SEC11C: variants seen among roughly 807,000 people sequenced by gnomAD.
SEC11C encodes the protein signal peptidase complex catalytic subunit SEC11C.
In SEC11C, 10 loss-of-function variants were observed where a neutral mutation model predicts 21.9. That is an observed-to-expected ratio of 0.46 (90% CI 0.28 to 0.77). The LOEUF is 0.77. Ranked by LOEUF, SEC11C falls within the 30% of genes least tolerant of loss-of-function variation. The pLI, the probability that SEC11C is intolerant of heterozygous loss-of-function variation, is 0.12. For missense variants in SEC11C, 145 were observed against 244.5 expected, an observed-to-expected ratio of 0.59 and a Z score of 2.71; for synonymous variants, 83 against 85.6, an observed-to-expected ratio of 0.97 and a Z score of 0.17.
intron 1 of SEC11C, among the ~76,000 whole-genome samples, chr18:59,146,503 G>T (rs1490336340): frequency 6.6e-6 from 1 of 152,122 alleles, no homozygotes; most frequent in Non-Finnish European, 1.5e-5. Flanking sequence ...ACAAGAAAGT[G>T]GTGAGAAGTG....
chr18:59,141,664 C>CTT (rs113985050), intron 1 of SEC11C, among the ~76,000 whole-genome samples: 18,428 of 146,264 alleles, frequency 0.13, 1,370 homozygotes, highest in East Asian at 0.39. Context: ...AAAGCTTTGT[C>CTT]TTTTTTTTTT....
chr18:59,157,599 A>T lies in SEC11C; in HGVS notation c.468-9A>T, dbSNP rs78885010. ...TTTTATATCTCTTGCTTTTTATCCC[A>T]CAATTTAGGTTTTTACCATATGTTG... On this transcript the variant is annotated splice_polypyrimidine_tract_variant and intron_variant, in intron 4 of 5. Coordinates refer to ENST00000587834, the MANE Select transcript of SEC11C (RefSeq NM_033280.4). 6.3e-7 allele frequency: 1 copy of T among 1,596,296 alleles called. No homozygotes were observed. The highest frequency in any genetic ancestry group is 1.1e-5 in the South Asian group (1 of 90,534).
intron 3 of SEC11C, 63 bp from the exon 4 acceptor site, chr18:59,155,625 A>C: frequency 6.4e-7 from 1 of 1,559,680 alleles, no homozygotes; most frequent in Non-Finnish European, 8.7e-7. Context: ...GAGTAAACTA[A>C]TATTTTTGTT....
intron 2 of SEC11C, 121 bp from the exon 3 acceptor site, chr18:59,152,415 A>G (rs981486528): frequency 5.6e-5 from 59 of 1,062,472 alleles, no homozygotes; most frequent in Middle Eastern, 2.2e-4. Context: ...AGGAAGCCAC[A>G]TTGGCTCGTT....
chr18:59,157,291 A>C (rs1426960641), intron 4 of SEC11C: 3 of 233,262 alleles, frequency 1.3e-5, no homozygotes, highest in African/African-American at 6.8e-5. Flanking sequence ...TATCTTCTAA[A>C]TAAAAACTAG....
intron 1 of SEC11C, among the ~76,000 whole-genome samples, chr18:59,141,406 A>C (rs1399828531): frequency 6.6e-6 from 1 of 152,222 alleles, no homozygotes; most frequent in African/African-American, 2.4e-5. Flanking sequence ...AAAAATCTAG[A>C]CTTAATGGCT....
At chr18:59,148,843 C>T (rs2069312796) in intron 1 of SEC11C, among the ~76,000 whole-genome samples, 1 of 152,128 alleles carries the variant, frequency 6.6e-6, no homozygotes. Context: ...TCTTGATCTC[C>T]TAACCTTGTG....
At position 59,149,514 on chromosome 18, in the gene SEC11C, T is replaced by C. The variant is rs1280944430; in HGVS notation, c.89T>C (p.Leu30Pro). 6.3e-7 allele frequency: 1 copy of C among 1,597,304 alleles called. No homozygotes were observed. Among genetic ancestry groups the C allele is most frequent in the Non-Finnish European group, 8.6e-7 (1 of 1,165,726 alleles). Reference protein sequence around the residue: ...GDLKKMNKRQLYYQVLNFAMI... With the variant: ...GDLKKMNKRQPYYQVLNFAMI... The stretch of plus-strand genomic sequence containing the variant: ...GTGGTTTCCTCTTTTTCATTCCAGC[T>C]CTATTACCAGGTTTTAAACTTCGCC... Residue 30 changes from leucine to proline, a missense_variant and splice_region_variant, in exon 2 of 6, where the codon CTC becomes CCC. Coordinates refer to ENST00000587834, the MANE Select transcript of SEC11C (RefSeq NM_033280.4).
intron 1 of SEC11C, 52 bp from the exon 2 acceptor site, chr18:59,149,461 G>C (rs1303177088): frequency 3.4e-6 from 4 of 1,186,550 alleles, no homozygotes; most frequent in Admixed American, 1.7e-5. Context: ...TTCACAGGTT[G>C]GTGGATCTTC....
chr18:59,152,757 G>C, intron 3 of SEC11C, 72 bp downstream of exon 3: 3 of 1,313,018 alleles, frequency 2.3e-6, no homozygotes, highest in Non-Finnish European at 3.2e-6. Context: ...TTAGAAACTA[G>C]TAAAAGCACT....
chr18:59,141,454 T>C (rs1370090656), intron 1 of SEC11C, among the ~76,000 whole-genome samples: 1 of 152,250 alleles, frequency 6.6e-6, no homozygotes, highest in East Asian at 1.9e-4. Flanking sequence ...TACTGATTAC[T>C]GATGGCTATA....
chr18:59,157,559 C>T, intron 4 of SEC11C, 49 bp from the exon 5 acceptor site: 1 of 1,246,812 alleles, frequency 8.0e-7, no homozygotes, highest in Non-Finnish European at 1.2e-6. Context: ...TTGCCATCAT[C>T]ATGTTATAAG....
intron 3 of SEC11C, among the ~76,000 whole-genome samples, chr18:59,154,530 T>C (rs887349777): frequency 2.0e-5 from 3 of 152,220 alleles, no homozygotes; most frequent in Non-Finnish European, 4.4e-5. Flanking sequence ...GTCCCACATG[T>C]CTCTTTAACA....
At chr18:59,151,489 A>G (rs188418360) in intron 2 of SEC11C, among the ~76,000 whole-genome samples, 2 of 152,264 alleles carry the variant, frequency 1.3e-5, no homozygotes, top group Admixed American at 1.3e-4. Context: ...CTGATTTTGA[A>G]TGCTTCATCC....
At chr18:59,142,450 T>C (rs1194159537) in intron 1 of SEC11C, among the ~76,000 whole-genome samples, 10 of 152,222 alleles carry the variant, frequency 6.6e-5, no homozygotes, top group Admixed American at 6.5e-4. Context: ...GGTTTGGGGC[T>C]TTCCTCATCA....
At chr18:59,141,911 CT>C (rs1194130810) in intron 1 of SEC11C, among the ~76,000 whole-genome samples, 1 of 152,196 alleles carries the variant, frequency 6.6e-6, no homozygotes. Flanking sequence ...GCTTAAAACT[CT>C]TAGACATTGG....
rs149368751 is a variant in SEC11C, at chr18:59,152,031, G to C, written c.198-505G>C. Among the ~76,000 whole-genome samples, 490 of 152,168 alleles carry C rather than the reference G, an allele frequency of 3.2e-3. 2 individuals carry two copies. Among genetic ancestry groups the C allele is most frequent in the African/African-American group, 0.011 (472 of 41,486 alleles). On this transcript the variant is annotated intron_variant, in intron 2 of 5. Coordinates refer to ENST00000587834, the MANE Select transcript of SEC11C (RefSeq NM_033280.4). ...CTGGTGCAGGAGGCAAAAGACTTGG[G>C]TTCCGGTTTTGTCCCAGCCCTCAGT...
chr18:59,154,647 A>G (rs2069398856), intron 3 of SEC11C, among the ~76,000 whole-genome samples: 1 of 152,242 alleles, frequency 6.6e-6, no homozygotes, highest in Admixed American at 6.5e-5. Flanking sequence ...TGCATTTGGC[A>G]AGGAAAAGGA....
intron 2 of SEC11C, among the ~76,000 whole-genome samples, chr18:59,150,755 T>A (rs976942320): frequency 4.6e-5 from 7 of 152,052 alleles, no homozygotes; most frequent in Admixed American, 2.0e-4. Context: ...TTTTTTTTTT[T>A]AAAGAAGAAG....
Sources: gnomAD v4.1 joint callset for allele counts (sites outside exome capture counted in the v4.1 genomes callset) on GRCh38, gnomAD v4.1.1 for gene constraint, MANE v1.5 for transcripts, NCBI Gene and HGNC (gene_info 2026-07-23, HGNC 2026-07-21) for gene names.